ULK4: variants seen among roughly 807,000 people sequenced by gnomAD.
ULK4 encodes the protein unc-51 like kinase 4.
Under a neutral mutation model 160.6 loss-of-function variants are expected in ULK4, and 133 were observed. The ratio of observed to expected loss-of-function variants is 0.83; its 90% confidence interval spans 0.72 to 0.96. The LOEUF is 0.96. Ranked by LOEUF, ULK4 falls within the 40% of genes least tolerant of loss-of-function variation. ULK4 has a pLI of 0.00. For missense variants in ULK4, 1,580 were observed against 1,499.5 expected (o/e 1.05, Z -0.89); for synonymous variants, 534 against 539.8 (o/e 0.99, Z 0.15).
At chr3:41,736,559 C>T (rs190689250) in intron 22 of ULK4, among the ~76,000 whole-genome samples, 113 of 151,734 alleles carry the variant, frequency 7.4e-4, no homozygotes, top group Non-Finnish European at 1.2e-3. Context: ...TCCTTGTAAA[C>T]TTGTTTGAGT....
At chr3:41,691,793 T>C (rs2036309461) in intron 27 of ULK4, among the ~76,000 whole-genome samples, 1 of 151,770 alleles carries the variant, frequency 6.6e-6, no homozygotes, top group African/African-American at 2.4e-5. Flanking sequence ...GTCTGATACA[T>C]GATGAACCTC....
At chr3:41,953,338 T>C (rs1387185538) in intron 2 of ULK4, among the ~76,000 whole-genome samples, 1 of 142,216 alleles carries the variant, frequency 7.0e-6, no homozygotes, top group Non-Finnish European at 1.5e-5. Flanking sequence ...GTCCCACTCT[T>C]GTCACCCAGG....
At chr3:41,841,365 G>A (rs1680617732) in intron 17 of ULK4, among the ~76,000 whole-genome samples, 1 of 151,224 alleles carries the variant, frequency 6.6e-6, no homozygotes, top group Admixed American at 6.6e-5. Flanking sequence ...TGGGAAGTGA[G>A]GAGCGCCTCT....
chr3:41,416,255 A>G (rs1207607864), intron 34 of ULK4, among the ~76,000 whole-genome samples: 1 of 152,148 alleles, frequency 6.6e-6, no homozygotes, highest in Non-Finnish European at 1.5e-5. Flanking sequence ...ATTTTTAAAG[A>G]TTTAATATCA....
chr3:41,258,979 T>C (rs952660384), intron 35 of ULK4, among the ~76,000 whole-genome samples: 1 of 149,908 alleles, frequency 6.7e-6, no homozygotes, highest in Non-Finnish European at 1.5e-5. Flanking sequence ...TGTGTATATA[T>C]ATACAGATAT....
intron 2 of ULK4, among the ~76,000 whole-genome samples, chr3:41,949,474 C>T (rs1426028101): frequency 1.3e-5 from 2 of 150,124 alleles, no homozygotes; most frequent in Non-Finnish European, 3.0e-5. Flanking sequence ...CTCTTGTTGC[C>T]CAGGCTGGAG....
chr3:41,488,467 A>G (rs1444619772), intron 32 of ULK4, among the ~76,000 whole-genome samples: 3 of 152,212 alleles, frequency 2.0e-5, no homozygotes, highest in Non-Finnish European at 4.4e-5. Flanking sequence ...TCTGGGAATC[A>G]GTTTACTTTT....
intron 17 of ULK4, among the ~76,000 whole-genome samples, chr3:41,840,733 C>T (rs915772113): frequency 1.3e-5 from 2 of 152,220 alleles, no homozygotes; most frequent in Non-Finnish European, 1.5e-5. Context: ...ACAACCTCCA[C>T]CTTCCAGCCG....
chr3:41,677,374 C>G (rs1294372546), intron 29 of ULK4, among the ~76,000 whole-genome samples: 1 of 150,706 alleles, frequency 6.6e-6, no homozygotes, highest in Non-Finnish European at 1.5e-5. Context: ...CTCTGTTGCC[C>G]AGGCTGGAGT....
chr3:41,289,873 A>ATG (rs1179930172), intron 35 of ULK4, among the ~76,000 whole-genome samples: 109 of 150,292 alleles, frequency 7.3e-4, no homozygotes, highest in African/African-American at 2.4e-3. Context: ...GTATGTATGT[A>ATG]TGTGTGTGTG....
Position 41,715,183 on chromosome 3 carries a change from C to G in ULK4, c.2634+54G>C, listed in dbSNP as rs1289124990. On this transcript the variant is annotated intron_variant, in intron 25 of 36. Coordinates refer to ENST00000301831, the MANE Select transcript of ULK4 (RefSeq NM_017886.4). Reference sequence around the variant, plus strand: ...TCATTCTGACATCAAATTCTACAAACAGTAGAGGAAGTCACAATTTTATTA... The same window carrying G: ...TCATTCTGACATCAAATTCTACAAAGAGTAGAGGAAGTCACAATTTTATTA... 11 of 1,540,350 alleles carry G rather than the reference C, an allele frequency of 7.1e-6. 1 individual carries two copies. The South Asian group carries it at 9.2e-5, about 13-fold the overall frequency.
At chr3:41,672,111 C>G (rs554092813) in intron 29 of ULK4, among the ~76,000 whole-genome samples, 1 of 152,010 alleles carries the variant, frequency 6.6e-6, no homozygotes, top group Admixed American at 6.6e-5. Flanking sequence ...GGAATTCTTA[C>G]GCATTGTTGT....
chr3:41,434,957 C>A (rs553755084), intron 34 of ULK4, among the ~76,000 whole-genome samples: 1 of 152,190 alleles, frequency 6.6e-6, no homozygotes, highest in African/African-American at 2.4e-5. Context: ...TTCTGCATGA[C>A]GAATTTTGTA....
At chr3:41,483,840 T>C (rs1290775432) in intron 32 of ULK4, among the ~76,000 whole-genome samples, 1 of 152,298 alleles carries the variant, frequency 6.6e-6, no homozygotes, top group Admixed American at 6.5e-5. Flanking sequence ...GAGACCAGGC[T>C]GAATACTACA....
chr3:41,543,016 A>G (rs1691962), intron 32 of ULK4, among the ~76,000 whole-genome samples: 77,622 of 151,822 alleles, frequency 0.51, 19,962 homozygotes, highest in Middle Eastern at 0.57. Flanking sequence ...AAGAAGGTTC[A>G]GAGAGCATAA....
intron 34 of ULK4, among the ~76,000 whole-genome samples, chr3:41,437,084 C>A (rs1298250739): frequency 2.6e-5 from 4 of 152,126 alleles, no homozygotes; most frequent in Non-Finnish European, 5.9e-5. Context: ...CAATTTATTG[C>A]CACAGGAAAG....
At chr3:41,456,769 A>G (rs4973950) in intron 33 of ULK4, among the ~76,000 whole-genome samples, 35,776 of 152,220 alleles carry the variant, frequency 0.24, 4,962 homozygotes, top group East Asian at 0.55. Context: ...CAGAGCTAAC[A>G]GAGCAGGCCA....
chr3:41,312,763 A>G (rs928172467), intron 35 of ULK4, among the ~76,000 whole-genome samples: 2 of 152,210 alleles, frequency 1.3e-5, no homozygotes, highest in East Asian at 3.9e-4. Flanking sequence ...AGCTATGATC[A>G]TACCACTGCA....
chr3:41,546,687 C>A (rs1487549068), intron 32 of ULK4, among the ~76,000 whole-genome samples: 1 of 151,466 alleles, frequency 6.6e-6, no homozygotes, highest in African/African-American at 2.4e-5. Flanking sequence ...TAGCTCACAT[C>A]CCTAAACACT....
Sources: gnomAD v4.1 joint callset for allele counts (sites outside exome capture counted in the v4.1 genomes callset) on GRCh38, gnomAD v4.1.1 for gene constraint, MANE v1.5 for transcripts, NCBI Gene and HGNC (gene_info 2026-07-23, HGNC 2026-07-21) for gene names.